The following CUBN variants were observed in gnomAD, a reference collection of about 807,000 sequenced individuals.
CUBN encodes the protein 460 kDa receptor.
Under a neutral mutation model 405.3 loss-of-function variants are expected in CUBN, and 282 were observed. The observed-to-expected ratio is 0.70, with a 90% CI of 0.63 to 0.77. CUBN has a LOEUF of 0.77. CUBN is among the 30% of genes least tolerant of loss of function. The pLI, the probability that CUBN is intolerant of heterozygous loss-of-function variation, is 0.00. For missense variants in CUBN, 4,514 were observed against 4,475.2 expected (o/e 1.01, Z -0.25); for synonymous variants, 1,684 against 1,617.0 (o/e 1.04, Z -0.99).
At chr10:17,064,531 C>T (rs551527950) in intron 22 of CUBN, among the ~76,000 whole-genome samples, 2 of 152,186 alleles carry the variant, frequency 1.3e-5, no homozygotes, top group South Asian at 2.1e-4. Context: ...AATCCCAAAG[C>T]GGAGAAATGC....
chr10:16,902,958 A>G (rs1476599467), intron 51 of CUBN, among the ~76,000 whole-genome samples: 1 of 152,196 alleles, frequency 6.6e-6, no homozygotes, highest in Non-Finnish European at 1.5e-5. Context: ...AAGGGACTAG[A>G]AAACCTCCCA....
At chr10:17,072,803 T>A (rs1230976445) in intron 17 of CUBN, among the ~76,000 whole-genome samples, 1 of 152,142 alleles carries the variant, frequency 6.6e-6, no homozygotes, top group African/African-American at 2.4e-5. Context: ...AAGATTTTTT[T>A]AAATGTGAAA....
At chr10:17,125,291 T>TA (rs894831588) in intron 4 of CUBN, among the ~76,000 whole-genome samples, 12 of 151,406 alleles carry the variant, frequency 7.9e-5, no homozygotes, top group South Asian at 2.1e-4. Flanking sequence ...CAGTGACTCA[T>TA]AAAAAAAAAT....
chr10:16,949,164 C>T (rs868841889), intron 34 of CUBN, among the ~76,000 whole-genome samples: 3 of 152,146 alleles, frequency 2.0e-5, no homozygotes, highest in Non-Finnish European at 4.4e-5. Context: ...CAGTACTCAG[C>T]GCAAGGTATT....
At chr10:17,032,293 ATT>A (rs1834803398) in intron 27 of CUBN, among the ~76,000 whole-genome samples, 1 of 152,164 alleles carries the variant, frequency 6.6e-6, no homozygotes, top group Non-Finnish European at 1.5e-5. Context: ...TGTGTGGATT[ATT>A]ATCTTCATTT....
At position 16,890,528 on chromosome 10, in the gene CUBN, C is replaced by G; in HGVS notation, c.8599-1G>C. 3 of 1,614,126 alleles carry G rather than the reference C, an allele frequency of 1.9e-6. No individual in the cohort carries two copies. Among genetic ancestry groups the G allele is most frequent in the Non-Finnish European group, 2.5e-6 (3 of 1,180,018 alleles). On this transcript the variant is annotated splice_acceptor_variant, in intron 54 of 66. Coordinates refer to ENST00000377833, the MANE Select transcript of CUBN (RefSeq NM_001081.4). LOFTEE classifies it high-confidence loss of function. ...CCACCTCCTCAGTTCCTGCCCACAC[C>G]TAGCACGGACATACACAGAACTTTA...
At chr10:16,964,525 T>G (rs1843332445) in intron 31 of CUBN, among the ~76,000 whole-genome samples, 1 of 152,244 alleles carries the variant, frequency 6.6e-6, no homozygotes, top group African/African-American at 2.4e-5. Flanking sequence ...TTTCAATAGC[T>G]TGTATCTATA....
At chr10:17,104,169 A>G (rs1836563868) in intron 12 of CUBN, among the ~76,000 whole-genome samples, 1 of 152,238 alleles carries the variant, frequency 6.6e-6, no homozygotes, top group Non-Finnish European at 1.5e-5. Context: ...TTTATATTCA[A>G]AAAGGACATA....
At chr10:16,978,324 A>C (rs1447392270) in intron 31 of CUBN, among the ~76,000 whole-genome samples, 2 of 152,232 alleles carry the variant, frequency 1.3e-5, no homozygotes, top group African/African-American at 4.8e-5. Flanking sequence ...ATATTCACTC[A>C]GAAACTTCAC....
chr10:16,995,404 T>C lies in CUBN; in HGVS notation c.4169-4889A>G, dbSNP rs112740132. On this transcript the variant is annotated intron_variant, in intron 28 of 66. Coordinates refer to ENST00000377833, the MANE Select transcript of CUBN (RefSeq NM_001081.4). ...ATGAATACTTACTTCATAGGGTTGT[T>C]ACATAGAATGAATGAAACAATCCAA... Among the ~76,000 whole-genome samples the C allele has an allele frequency of 3.9e-3, 590 of 152,382 alleles. 5 individuals carry two copies. Among genetic ancestry groups the C allele is most frequent in the African/African-American group, 0.013 (558 of 41,596 alleles).
At position 16,916,177 on chromosome 10, in the gene CUBN, C is replaced by T. The variant is rs4414123; in HGVS notation, c.7001-147G>A. On this transcript the variant is annotated intron_variant, in intron 45 of 66. Transcript: ENST00000377833. ...ACTCTGAATTGAAGTTTTAAAAATT[C>T]TGAAAACGGTTAGTGCTTTCCTCAT... 5.6e-6 allele frequency: 4 copies of T among 708,854 alleles called. No individual in the cohort carries two copies. The African/African-American group carries it at 7.2e-5, about 13-fold the overall frequency. The allele number at this position is 708,854 out of a possible 1,614,324, so 43.9% of individuals were successfully genotyped here.
intron 31 of CUBN, among the ~76,000 whole-genome samples, chr10:16,973,183 T>G (rs1042205105): frequency 5.9e-5 from 9 of 152,170 alleles, no homozygotes; most frequent in Non-Finnish European, 1.3e-4. Flanking sequence ...CTCTCATTTT[T>G]TATTCCCAAA....
At chr10:17,121,587 C>A (rs1278081878) in intron 6 of CUBN, among the ~76,000 whole-genome samples, 1 of 151,002 alleles carries the variant, frequency 6.6e-6, no homozygotes, top group East Asian at 1.9e-4. Context: ...AGGAGATATA[C>A]CTAATGCTAA....
At chr10:17,099,308 A>G (rs1385223173) in intron 14 of CUBN, among the ~76,000 whole-genome samples, 1 of 152,204 alleles carries the variant, frequency 6.6e-6, no homozygotes, top group Non-Finnish European at 1.5e-5. Context: ...GAATAATTAA[A>G]ACAAAATAAT....
chr10:16,915,755 C>T, intron 46 of CUBN, 66 bp downstream of exon 46: 1 of 1,384,668 alleles, frequency 7.2e-7, no homozygotes, highest in South Asian at 1.2e-5. Flanking sequence ...AGTGAAGAAA[C>T]TTCAGAGGCT....
At chr10:16,926,653 A>G (rs775273069) in intron 41 of CUBN, among the ~76,000 whole-genome samples, 7 of 152,162 alleles carry the variant, frequency 4.6e-5, no homozygotes, top group African/African-American at 7.2e-5. Context: ...GTGTGAGACA[A>G]ACAGAAAAGT....
intron 27 of CUBN, among the ~76,000 whole-genome samples, chr10:17,023,872 T>C (rs927319356): frequency 5.3e-5 from 8 of 152,214 alleles, no homozygotes; most frequent in African/African-American, 1.9e-4. Flanking sequence ...ATTAAATATA[T>C]CTTCAGATGC....
chr10:17,054,454 T>G (rs1480501903), intron 22 of CUBN, among the ~76,000 whole-genome samples: 1 of 151,840 alleles, frequency 6.6e-6, no homozygotes. Flanking sequence ...AGGCAAGAAT[T>G]AAATGAAATA....
In CUBN at chr10:16,869,818, C is replaced by T; in HGVS notation, c.9272G>A (p.Cys3091Tyr). 6.2e-7 allele frequency: 1 copy of T among 1,613,928 alleles called. No homozygotes were observed. Among genetic ancestry groups the T allele is most frequent in the Non-Finnish European group, 8.5e-7 (1 of 1,179,840 alleles). ...GTAAATTGCCAGGTAGTCATGGGAG[C>T]AGGAGGTGGAGGGAACCACATCAAA... ...SDFDVVPSTS[C>Y]SHDYLAIYDG... Residue 3091 changes from cysteine to tyrosine, a missense_variant, in exon 59 of 67, where the codon TGC becomes TAC. Cys to Tyr is a radical substitution (Grantham distance 194, BLOSUM62 -2). Transcript: ENST00000377833.
Sources: allele counts gnomAD v4.1 joint callset (sites outside exome capture counted in the v4.1 genomes callset), GRCh38; gene constraint gnomAD v4.1.1; transcripts MANE v1.5; gene names NCBI Gene and HGNC (gene_info 2026-07-23, HGNC 2026-07-21).